CTSO: variants seen among roughly 807,000 people sequenced by gnomAD.
CTSO encodes cathepsin O.
Under a neutral mutation model 42.4 loss-of-function variants are expected in CTSO, and 40 were observed. That is an observed-to-expected ratio of 0.94 (90% confidence interval 0.73 to 1.23). CTSO has a LOEUF of 1.23. CTSO is among the 50% of genes most tolerant of loss of function. CTSO has a pLI of 0.00. For missense variants in CTSO, 441 were observed against 396.0 expected, an observed-to-expected ratio of 1.11 and a Z score of -0.96; for synonymous variants, 156 against 146.2, an observed-to-expected ratio of 1.07 and a Z score of -0.48.
rs75180476 is a variant in CTSO, at chr4:155,948,456, T to A, written c.136-5192A>T. On this transcript the variant is annotated intron_variant, in intron 1 of 7. Transcript: ENST00000433477. ...AACTGTGATTTAAATGTAATATGTTTCTAAGCAGTGTCTTCCATATTCTAA... is the reference window on the plus strand; with the variant it reads ...AACTGTGATTTAAATGTAATATGTTACTAAGCAGTGTCTTCCATATTCTAA... 9.3e-3 allele frequency among the ~76,000 whole-genome samples: 1,413 copies of A among 152,250 alleles called. 21 individuals are homozygous for A. The highest frequency in any genetic ancestry group is 0.031 in the African/African-American group (1,295 of 41,542).
At chr4:155,946,689 C>G (rs1237945338) in intron 1 of CTSO, among the ~76,000 whole-genome samples, 2 of 152,300 alleles carry the variant, frequency 1.3e-5, no homozygotes, top group East Asian at 1.9e-4. Flanking sequence ...GCTACTCAAT[C>G]TTTATACAAA....
At chr4:155,945,712 T>C (rs921260646) in intron 1 of CTSO, among the ~76,000 whole-genome samples, 29 of 152,184 alleles carry the variant, frequency 1.9e-4, no homozygotes, top group African/African-American at 7.0e-4. Flanking sequence ...TAGAACTACA[T>C]ACCAGTATCC....
chr4:155,933,684 T>C (rs749141486), intron 5 of CTSO, among the ~76,000 whole-genome samples: 53 of 152,274 alleles, frequency 3.5e-4, no homozygotes, highest in Non-Finnish European at 4.7e-4. Context: ...GAGAAACTTG[T>C]GGGAAATGGA....
At chr4:155,942,648 AG>A (rs1743463289) in intron 2 of CTSO, among the ~76,000 whole-genome samples, 192 bp from the exon 3 acceptor site, 1 of 151,732 alleles carries the variant, frequency 6.6e-6, no homozygotes, top group African/African-American at 2.4e-5. Flanking sequence ...GAACTTTTAA[AG>A]AAGAAACAGT....
intron 3 of CTSO, 121 bp downstream of exon 3, chr4:155,942,196 G>A: frequency 1.3e-6 from 1 of 746,558 alleles, no homozygotes; most frequent in Non-Finnish European, 1.9e-6. Flanking sequence ...GTCATTTTTG[G>A]ATGACTGAGA....
intron 3 of CTSO, among the ~76,000 whole-genome samples, chr4:155,940,792 G>A (rs1308236262): frequency 2.0e-5 from 3 of 151,548 alleles, no homozygotes; most frequent in Admixed American, 1.3e-4. Flanking sequence ...GCAGTGAGCC[G>A]AGATCGCATC....
chr4:155,953,564 T>C, intron 1 of CTSO, 149 bp downstream of exon 1: 1 of 998,718 alleles, frequency 1.0e-6, no homozygotes. Flanking sequence ...AGCTGGCTTT[T>C]GCACCCGCAG....
intron 1 of CTSO, among the ~76,000 whole-genome samples, chr4:155,953,178 C>T (rs1412622096): frequency 6.6e-6 from 1 of 151,988 alleles, no homozygotes; most frequent in East Asian, 1.9e-4. Context: ...TAAAGTGGTG[C>T]GTTAGTTTAA....
chr4:155,941,734 C>T (rs71605279), intron 3 of CTSO, among the ~76,000 whole-genome samples: 35 of 152,118 alleles, frequency 2.3e-4, no homozygotes, highest in Non-Finnish European at 4.7e-4. Context: ...GGAATGTATG[C>T]GTCACGTTAT....
chr4:155,928,492 T>G, intron 6 of CTSO, 64 bp from the exon 7 acceptor site: 1 of 1,186,412 alleles, frequency 8.4e-7, no homozygotes, highest in South Asian at 1.3e-5. Flanking sequence ...TGTTTAAGTT[T>G]CTTTATTTTA....
chr4:155,952,883 A>G (rs1254388156), intron 1 of CTSO, among the ~76,000 whole-genome samples: 2 of 152,162 alleles, frequency 1.3e-5, no homozygotes, highest in African/African-American at 4.8e-5. Flanking sequence ...TGATAATGGC[A>G]TCTTTCATGA....
At position 155,924,935 on chromosome 4, in the gene CTSO, G is replaced by A. The variant is rs9044; in HGVS notation, c.*1101C>T. On this transcript the variant is annotated 3_prime_UTR_variant, in exon 8 of 8. Coordinates refer to ENST00000433477, the MANE Select transcript of CTSO (RefSeq NM_001334.3). ...CAAGAGGTGCACAAAGAAGCAGTTCGGATGGGAGACCAGGAAAGCTGAGGG... is the reference window on the plus strand; with the variant it reads ...CAAGAGGTGCACAAAGAAGCAGTTCAGATGGGAGACCAGGAAAGCTGAGGG... 73,108 of 152,224 alleles carry A rather than the reference G, an allele frequency of 0.48. 19,159 individuals carry two copies. Among genetic ancestry groups the A allele is most frequent in the East Asian group, 0.76 (3,906 of 5,158 alleles). The allele number at this position is 152,224 out of a possible 1,614,324, so 9.4% of individuals were successfully genotyped here. A position where few individuals can be genotyped will look rare whatever the true frequency, so the allele number is the denominator to read the frequency against.
At chr4:155,934,004 A>G (rs549335376) in intron 5 of CTSO, among the ~76,000 whole-genome samples, 1 of 152,358 alleles carries the variant, frequency 6.6e-6, no homozygotes, top group Admixed American at 6.5e-5. Context: ...GCCTAATGTT[A>G]ATCCCCAACA....
chr4:155,930,121 A>C (rs931526356), intron 5 of CTSO, among the ~76,000 whole-genome samples: 1 of 152,236 alleles, frequency 6.6e-6, no homozygotes, highest in African/African-American at 2.4e-5. Context: ...CATATGGCTA[A>C]GTCTAGCTTA....
intron 1 of CTSO, 50 bp downstream of exon 1, chr4:155,953,663 C>T (rs1021421915): frequency 6.6e-5 from 82 of 1,236,142 alleles, no homozygotes; most frequent in Non-Finnish European, 8.1e-5. Flanking sequence ...AGACCCGGGA[C>T]AGGAAGTGAG....
At chr4:155,932,073 T>C (rs1418304269) in intron 5 of CTSO, among the ~76,000 whole-genome samples, 1 of 152,110 alleles carries the variant, frequency 6.6e-6, no homozygotes, top group Non-Finnish European at 1.5e-5. Context: ...TTTATTTACA[T>C]AGTCATTCTC....
Position 155,942,361 on chromosome 4 carries a change from A to G in CTSO, c.340T>C (p.Trp114Arg). The G allele has an allele frequency of 6.3e-7, 1 of 1,594,550 alleles. No individual in the cohort carries two copies. The highest frequency in any genetic ancestry group is 8.5e-7 in the Non-Finnish European group (1 of 1,171,700). Residue 114 changes from tryptophan to arginine, a missense_variant, in exon 3 of 8, where the codon TGG becomes CGG. Coordinates refer to ENST00000433477, the MANE Select transcript of CTSO (RefSeq NM_001334.3). ...PNVSLPLRFD[W>R]RDKQVVTQVR... is the part of the protein sequence containing the mutation. ...TGTGTCACAACCTGCTTGTCCCTCC[A>G]GTCAAATCTTAACGGCAAAGACACA...
At chr4:155,953,059 T>C (rs1743704790) in intron 1 of CTSO, among the ~76,000 whole-genome samples, 1 of 150,060 alleles carries the variant, frequency 6.7e-6, no homozygotes, top group Non-Finnish European at 1.5e-5. Context: ...GTATTTATTA[T>C]AAATATTATA....
intron 5 of CTSO, among the ~76,000 whole-genome samples, chr4:155,929,961 T>C (rs914603736): frequency 4.6e-5 from 7 of 152,200 alleles, no homozygotes; most frequent in African/African-American, 1.2e-4. Flanking sequence ...TGGTCCAAGA[T>C]GGTTGCTGGG....
Sources: gnomAD v4.1 joint callset for allele counts (sites outside exome capture counted in the v4.1 genomes callset) on GRCh38, gnomAD v4.1.1 for gene constraint, MANE v1.5 for transcripts, NCBI Gene and HGNC (gene_info 2026-07-23, HGNC 2026-07-21) for gene names.